Variants in F8 observed in about 807,000 individuals in gnomAD.
F8 encodes antihemophilic factor.
In F8, 12 loss-of-function variants were observed where a neutral mutation model predicts 140.6. The observed-to-expected ratio is 0.09, with a 90% CI of 0.05 to 0.14. The LOEUF (loss-of-function observed/expected upper bound fraction) is 0.14. F8 is among the 10% of genes least tolerant of loss of function. The probability of loss-of-function intolerance (pLI) is 1.00; values close to 1 mark genes in which losing one functional copy is unlikely to be tolerated. For missense variants in F8, 1,354 were observed against 1,720.7 expected (o/e 0.79, Z 3.77); for synonymous variants, 585 against 614.6 (o/e 0.95, Z 0.71).
intron 13 of F8, among the ~76,000 whole-genome samples, chrX:154,935,602 G>A (rs1226606077): frequency 8.9e-6 from 1 of 111,828 alleles, no homozygotes; most frequent in African/African-American, 3.3e-5. Flanking sequence ...AAATATGGAA[G>A]TAAATGTGGC....
chrX:154,966,160 GA>G lies in F8; in HGVS notation c.1272-20del. The stretch of plus-strand genomic sequence containing the variant: ...ATAACTTCTGTATAAGAGAAAAAAA[GA>G]TGAGAGGTTGGGAAGAAAAATTCTA... On this transcript the variant is annotated intron_variant, in intron 8 of 25. Coordinates refer to ENST00000360256, the MANE Select transcript of F8 (RefSeq NM_000132.4). 1 of 1,199,647 alleles carries G rather than the reference GA, an allele frequency of 8.3e-7. No individual in the cohort carries two copies. The highest frequency in any genetic ancestry group is 1.1e-6 in the Non-Finnish European group (1 of 887,225).
At chrX:154,961,317 C>T in intron 9 of F8, 149 bp from the exon 10 acceptor site, 1 of 450,450 alleles carries the variant, frequency 2.2e-6, no homozygotes, top group Non-Finnish European at 3.9e-6. Context: ...TTGGTCTTTT[C>T]ATGAAATTGT....
chrX:154,945,101 A>G (rs1436021738), intron 13 of F8, among the ~76,000 whole-genome samples: 4 of 110,491 alleles, frequency 3.6e-5, no homozygotes, highest in African/African-American at 1.3e-4. Context: ...GCACACCAGC[A>G]TGGCACATGT....
intron 14 of F8, among the ~76,000 whole-genome samples, chrX:154,912,827 G>A (rs2073075229): frequency 9.0e-6 from 1 of 111,689 alleles, no homozygotes; most frequent in South Asian, 3.7e-4. Flanking sequence ...AAGGTGAAGG[G>A]GAAGCAAGGC....
chrX:154,892,887 A>C (rs1032997674), intron 22 of F8, among the ~76,000 whole-genome samples: 2 of 111,749 alleles, frequency 1.8e-5, no homozygotes, highest in Non-Finnish European at 3.8e-5. Flanking sequence ...TGGAATTCAG[A>C]AAAATCTGAC....
At chrX:154,935,006 TA>T (rs1435725843) in intron 13 of F8, among the ~76,000 whole-genome samples, 1 of 108,482 alleles carries the variant, frequency 9.2e-6, no homozygotes, top group Non-Finnish European at 1.9e-5. Context: ...CTACAAAAAA[TA>T]AAAAAGTTAG....
intron 6 of F8, 90 bp downstream of exon 6, chrX:154,984,597 T>C: frequency 1.5e-6 from 1 of 661,846 alleles, no homozygotes. Flanking sequence ...CTATATCCTC[T>C]GAGATGCCGA....
chrX:154,989,404 T>C (rs2073575638), intron 4 of F8, among the ~76,000 whole-genome samples: 1 of 111,407 alleles, frequency 9.0e-6, no homozygotes, highest in Admixed American at 9.5e-5. Context: ...GTACATCTAA[T>C]TTCACAAGAA....
In F8 at chrX:154,904,457, G is replaced by A. The variant is rs782434931; in HGVS notation, c.5654C>T (p.Ala1885Val). 2.5e-5 allele frequency: 30 copies of A among 1,211,591 alleles called. No individual in the cohort carries two copies. Among genetic ancestry groups the A allele is most frequent in the Non-Finnish European group, 3.4e-5 (30 of 895,396 alleles). Reference protein sequence around the residue: ...LVCHTNTLNPAHGRQVTVQEF... With the variant: ...LVCHTNTLNPVHGRQVTVQEF... ...CTGTACTGTCACTTGTCTCCCATGA[G>A]CAGGGTTCAGTGTGTTAGTGTGGCA... Residue 1885 changes from alanine to valine, a missense_variant, in exon 17 of 26, where the codon GCT becomes GTT. Around this residue, in one of 4 missense-constraint regions of F8, gnomAD observed 316 missense variants for 485.4 expected, o/e 0.65. Transcript: ENST00000360256.
In F8 at chrX:154,929,634, G is replaced by C; in HGVS notation, c.4156C>G (p.Gln1386Glu). Residue 1386 changes from glutamine to glutamate, a missense_variant, in exon 14 of 26, where the codon CAG (glutamine) becomes GAG (glutamate). Transcript: ENST00000360256. ...GTAAGGCAATCTGATAAGGGAGACTGAGTAATGGCCCCTTTCTCCTTCTCA... is the reference window on the plus strand; with the variant it reads ...GTAAGGCAATCTGATAAGGGAGACTCAGTAATGGCCCCTTTCTCCTTCTCA... ...YNEKEKGAIT[Q>E]SPLSDCLTRS... 8.3e-7 allele frequency: 1 copy of C among 1,210,514 alleles called. No homozygotes were observed. The highest frequency in any genetic ancestry group is 1.7e-5 in the African/African-American group (1 of 57,826).
chrX:154,865,026 T>C (rs1240712765), intron 22 of F8, among the ~76,000 whole-genome samples: 4 of 111,731 alleles, frequency 3.6e-5, no homozygotes, highest in Admixed American at 9.5e-5. Context: ...CACAGAAGTC[T>C]ACAGTGAGAT....
chrX:154,991,990 G>A (rs1472068310), intron 4 of F8, among the ~76,000 whole-genome samples: 1 of 111,951 alleles, frequency 8.9e-6, no homozygotes, highest in East Asian at 2.8e-4. Context: ...ATTAGAAATC[G>A]TGAAACAGCT....
At chrX:154,921,905 G>C (rs1474548513) in intron 14 of F8, among the ~76,000 whole-genome samples, 2 of 110,680 alleles carry the variant, frequency 1.8e-5, no homozygotes, top group African/African-American at 6.6e-5. Context: ...GGGAGGGATA[G>C]CATTAGGAGA....
intron 1 of F8, 77 bp downstream of exon 1, chrX:155,022,333 T>C: frequency 9.5e-7 from 1 of 1,053,645 alleles, no homozygotes; most frequent in African/African-American, 1.8e-5. Context: ...CCTAACCCGA[T>C]GTCTGCACCT....
At chrX:154,841,923 T>C (rs2072524849) in intron 25 of F8, among the ~76,000 whole-genome samples, 2 of 111,945 alleles carry the variant, frequency 1.8e-5, no homozygotes, top group Non-Finnish European at 3.8e-5. Flanking sequence ...GCTATTATCA[T>C]AAGATAATTG....
intron 13 of F8, among the ~76,000 whole-genome samples, chrX:154,937,677 A>C (rs781993859): frequency 9.0e-6 from 1 of 111,578 alleles, no homozygotes; most frequent in East Asian, 2.8e-4. Context: ...TACCATAAAA[A>C]ATATTATAAT....
chrX:154,861,216 G>A (rs1411966142), intron 24 of F8, among the ~76,000 whole-genome samples: 1 of 110,031 alleles, frequency 9.1e-6, no homozygotes, highest in African/African-American at 3.3e-5. Context: ...TGATCGGCCC[G>A]CCTCAGCCTC....
At chrX:154,859,433 G>A (rs1557272661) in intron 25 of F8, among the ~76,000 whole-genome samples, 2 of 107,939 alleles carry the variant, frequency 1.9e-5, no homozygotes, top group African/African-American at 6.8e-5. Flanking sequence ...CTCCCGAGTA[G>A]CTGGGACTAC....
chrX:154,943,594 C>T (rs1557280042), intron 13 of F8, among the ~76,000 whole-genome samples: 1 of 111,310 alleles, frequency 9.0e-6, no homozygotes, highest in African/African-American at 3.3e-5. Flanking sequence ...CCATACTGCC[C>T]AATGTAATTT....
Sources: allele counts gnomAD v4.1 joint callset (sites outside exome capture counted in the v4.1 genomes callset), GRCh38; gene constraint gnomAD v4.1.1; regional missense constraint gnomAD v4.1.1; transcripts MANE v1.5; gene names NCBI Gene and HGNC (gene_info 2026-07-23, HGNC 2026-07-21).